The following C10orf67 variants were observed in gnomAD, a reference collection of about 807,000 sequenced individuals.
C10orf67 encodes uncharacterized protein C10orf67, mitochondrial.
In C10orf67, 60 loss-of-function variants were observed where a neutral mutation model predicts 35.6. That is an observed-to-expected ratio of 1.68 (90% confidence interval 1.37 to 2.09). C10orf67 has a LOEUF of 2.09. C10orf67 is among the 30% of genes most tolerant of loss of function. The probability of loss-of-function intolerance (pLI) is 0.00; values close to 1 mark genes in which losing one functional copy is unlikely to be tolerated. For synonymous variants in C10orf67, 167 were observed against 115.8 expected, an observed-to-expected ratio of 1.44 and a Z score of -2.84; for missense variants, 474 against 330.2, an observed-to-expected ratio of 1.44 and a Z score of -3.38.
chr10:23,259,764 C>A (rs546618394), intron 10 of C10orf67, among the ~76,000 whole-genome samples: 2 of 151,920 alleles, frequency 1.3e-5, no homozygotes, highest in East Asian at 3.9e-4. Flanking sequence ...AAGCAACAAT[C>A]AAGATGAATA....
At chr10:23,297,376 T>C (rs1379794998) in intron 5 of C10orf67, among the ~76,000 whole-genome samples, 2 of 152,172 alleles carry the variant, frequency 1.3e-5, no homozygotes, top group Non-Finnish European at 2.9e-5. Context: ...CCTCGGAAGT[T>C]AGGAATTCCC....
chr10:23,243,757 C>A (rs571008607), intron 12 of C10orf67, among the ~76,000 whole-genome samples: 51 of 151,314 alleles, frequency 3.4e-4, no homozygotes, highest in African/African-American at 1.2e-3. Flanking sequence ...ATAGCTTGAA[C>A]CATAAAACAA....
Position 23,206,169 on chromosome 10 carries a change from G to A in C10orf67, c.1571-1914C>T, listed in dbSNP as rs1249012632. Among the ~76,000 whole-genome samples the A allele has an allele frequency of 6.6e-5, 10 of 152,220 alleles. No homozygotes were observed. In the South Asian group the frequency reaches 1.2e-3, roughly 19 times the overall value. ...GTGGGAGGGAGCTCTTTACTAAACC[G>A]TGTAACCAAATCAAACCAATGGTTA... is the stretch of plus-strand genomic sequence containing the variant. On this transcript the variant is annotated intron_variant, in intron 15 of 15. Transcript: ENST00000636213.
chr10:23,289,607 A>T (rs1843653330), intron 7 of C10orf67, among the ~76,000 whole-genome samples: 1 of 152,214 alleles, frequency 6.6e-6, no homozygotes, highest in Non-Finnish European at 1.5e-5. Flanking sequence ...CTTTTTCCTT[A>T]ACTGCAAGCT....
intron 1 of C10orf67, among the ~76,000 whole-genome samples, chr10:23,338,859 T>C (rs530754441): frequency 1.7e-4 from 26 of 151,648 alleles, no homozygotes; most frequent in South Asian, 1.3e-3. Flanking sequence ...AAAATAAAAA[T>C]AAAAAAAATA....
chr10:23,270,414 G>T (rs916539418), intron 8 of C10orf67, among the ~76,000 whole-genome samples: 6 of 152,206 alleles, frequency 3.9e-5, no homozygotes, highest in Admixed American at 3.9e-4. Flanking sequence ...CCAGGGCCCT[G>T]GGTCTGATAC....
intron 1 of C10orf67, among the ~76,000 whole-genome samples, chr10:23,334,568 C>T (rs1056557563): frequency 1.3e-5 from 2 of 152,202 alleles, no homozygotes; most frequent in Non-Finnish European, 2.9e-5. Flanking sequence ...AGATTTGTCC[C>T]CCACAGAACT....
chr10:23,309,227 A>T (rs768368922), intron 4 of C10orf67, among the ~76,000 whole-genome samples: 1 of 152,200 alleles, frequency 6.6e-6, no homozygotes, highest in Non-Finnish European at 1.5e-5. Flanking sequence ...GAATGAAATC[A>T]TGTCCTTTGC....
At chr10:23,306,522 C>A (rs1844286657) in intron 4 of C10orf67, among the ~76,000 whole-genome samples, 1 of 142,850 alleles carries the variant, frequency 7.0e-6, no homozygotes. Context: ...GTGCCAGACT[C>A]CATCTCAGAA....
chr10:23,340,641 G>C (rs1365611609), intron 1 of C10orf67, among the ~76,000 whole-genome samples: 1 of 152,142 alleles, frequency 6.6e-6, no homozygotes, highest in Non-Finnish European at 1.5e-5. Flanking sequence ...AACTGAATGA[G>C]GAAGATTTAT....
At chr10:23,236,957 TG>T (rs962717546) in intron 13 of C10orf67, among the ~76,000 whole-genome samples, 6 of 152,272 alleles carry the variant, frequency 3.9e-5, no homozygotes, top group African/African-American at 1.4e-4. Context: ...TTGTGTATCA[TG>T]GGGGTTTGCT....
At chr10:23,251,103 A>T (rs909427297) in intron 10 of C10orf67, among the ~76,000 whole-genome samples, 6 of 151,724 alleles carry the variant, frequency 4.0e-5, no homozygotes, top group Admixed American at 6.6e-5. Context: ...TCTCAAAAAA[A>T]TTTTTTTTTC....
intron 4 of C10orf67, among the ~76,000 whole-genome samples, 177 bp from the exon 5 acceptor site, chr10:23,303,636 CTTTA>C (rs1410400979): frequency 6.6e-6 from 1 of 152,184 alleles, no homozygotes; most frequent in Non-Finnish European, 1.5e-5. Flanking sequence ...TAGTAAGCAA[CTTTA>C]TTTATATTGA....
At chr10:23,329,810 A>AAAAAAAG (rs1845369730) in intron 2 of C10orf67, among the ~76,000 whole-genome samples, 1 of 148,472 alleles carries the variant, frequency 6.7e-6, no homozygotes, top group East Asian at 2.0e-4. Flanking sequence ...AAAAAAAAAA[A>AAAAAAAG]AAAAAAGAAA....
intron 4 of C10orf67, among the ~76,000 whole-genome samples, chr10:23,305,158 T>A (rs973467782): frequency 6.6e-6 from 1 of 152,102 alleles, no homozygotes. Context: ...CAGGCAAACA[T>A]GACACTCTCA....
chr10:23,217,971 C>T (rs1211782546), intron 15 of C10orf67, among the ~76,000 whole-genome samples: 1 of 152,144 alleles, frequency 6.6e-6, no homozygotes, highest in Non-Finnish European at 1.5e-5. Flanking sequence ...CTTTTCATTT[C>T]TAACATTTTT....
chr10:23,267,772 G>C (rs549631971), intron 8 of C10orf67, among the ~76,000 whole-genome samples: 4 of 151,976 alleles, frequency 2.6e-5, no homozygotes, highest in Admixed American at 6.6e-5. Context: ...CGGGCGTGGT[G>C]GTGGGCGCCT....
At chr10:23,262,026 C>G (rs765201526) in intron 10 of C10orf67, among the ~76,000 whole-genome samples, 1 of 152,104 alleles carries the variant, frequency 6.6e-6, no homozygotes, top group Non-Finnish European at 1.5e-5. Context: ...ATTGGAGAAA[C>G]TGACAAGTTT....
intron 15 of C10orf67, among the ~76,000 whole-genome samples, chr10:23,209,048 A>G (rs1419263604): frequency 6.6e-6 from 1 of 152,102 alleles, no homozygotes; most frequent in African/African-American, 2.4e-5. Flanking sequence ...GCATGTGTAC[A>G]GGCACAGGTG....
Sources: allele counts gnomAD v4.1 joint callset (sites outside exome capture counted in the v4.1 genomes callset), GRCh38; gene constraint gnomAD v4.1.1; transcripts MANE v1.5; gene names NCBI Gene and HGNC (gene_info 2026-07-23, HGNC 2026-07-21).